The following RFX2 variants were observed in gnomAD, a reference collection of about 807,000 sequenced individuals.
The protein encoded by RFX2 is DNA-binding protein RFX2.
In RFX2, 20 loss-of-function variants were observed where a neutral mutation model predicts 87.8. The ratio of observed to expected loss-of-function variants is 0.23; its 90% CI spans 0.16 to 0.33. RFX2 has a LOEUF of 0.33. Ranked by LOEUF, RFX2 falls within the 10% of genes least tolerant of loss-of-function variation. The pLI, the probability that RFX2 is intolerant of heterozygous loss-of-function variation, is 1.00. For synonymous variants in RFX2, 397 were observed against 431.3 expected, an observed-to-expected ratio of 0.92 and a Z score of 0.98; for missense variants, 767 against 1,012.3, an observed-to-expected ratio of 0.76 and a Z score of 3.29.
intron 16 of RFX2, 63 bp from the exon 17 acceptor site, chr19:5,995,706 C>T (rs1034003618): frequency 2.7e-5 from 38 of 1,426,110 alleles, no homozygotes; most frequent in Middle Eastern, 1.9e-4. Flanking sequence ...TTTGGGGGCT[C>T]GGGGGATGCC....
rs921235484 is a variant in RFX2, at chr19:6,011,389, C to A, written c.900-1138G>T. ...TGGAGCATCTCCAGCGGACCTCCCT[C>A]CTCAAATACGAAGCGGGGCCAGGCC... On this transcript the variant is annotated intron_variant, in intron 8 of 17. Transcript: ENST00000303657. This position sits in a 1 kb window ranked among gnomAD's most constrained non-coding sequence, Gnocchi z 4.8. Among the ~76,000 whole-genome samples the A allele has an allele frequency of 1.2e-4, 18 of 152,132 alleles. No individual in the cohort carries two copies. Among genetic ancestry groups the A allele is most frequent in the African/African-American group, 3.9e-4 (16 of 41,418 alleles).
intron 1 of RFX2, among the ~76,000 whole-genome samples, chr19:6,068,904 T>C (rs922799966): frequency 2.0e-5 from 3 of 151,838 alleles, no homozygotes; most frequent in African/African-American, 7.3e-5. Flanking sequence ...TGGAGGCTAA[T>C]GTGATAATCT....
Position 6,039,132 on chromosome 19 carries a change from A to C in RFX2, c.522+848T>G, listed in dbSNP as rs532325470. On this transcript the variant is annotated intron_variant, in intron 5 of 17. Transcript: ENST00000303657. This position sits in a 1 kb window ranked among gnomAD's most constrained non-coding sequence, Gnocchi z 5.2. ...TGTAATAGAATATTACTCAGTAACAAAAAAAAGCAACTCGGATTCATGCAG... is the reference window on the plus strand; with the variant it reads ...TGTAATAGAATATTACTCAGTAACACAAAAAAGCAACTCGGATTCATGCAG... 6.6e-6 allele frequency among the ~76,000 whole-genome samples: 1 copy of C among 152,116 alleles called. No individual in the cohort carries two copies. The highest frequency in any genetic ancestry group is 1.5e-5 in the Non-Finnish European group (1 of 67,974).
rs150868053 is a variant in RFX2 at position 6,079,463 on chromosome 19, C to G, written c.-9+30930G>C. ...ACAATGTATGTTTCCATTTATACGA[C>G]ATTCTGGAAAAGGCAGAGCTATAGA... On this transcript the variant is annotated intron_variant, in intron 1 of 17. Coordinates refer to ENST00000303657, the MANE Select transcript of RFX2 (RefSeq NM_000635.4). 8.9e-3 allele frequency among the ~76,000 whole-genome samples: 1,354 copies of G among 152,308 alleles called. 5 individuals carry two copies. The highest frequency in any genetic ancestry group is 0.014 in the Non-Finnish European group (932 of 68,016).
rs2086364566 is a variant in RFX2, at chr19:5,993,631, C to T, written c.*1204G>A. 6.6e-6 allele frequency: 1 copy of T among 152,200 alleles called. No homozygotes were observed. Among genetic ancestry groups the T allele is most frequent in the South Asian group, 2.1e-4 (1 of 4,828 alleles). 9.4% of individuals were successfully genotyped at this position (152,200 alleles called of 1,614,324 possible). A position where few individuals can be genotyped will look rare whatever the true frequency, so the allele number is the denominator to read the frequency against. ...TATTGCATTTCGTTAGAAATCGCGT[C>T]CTGGGCCGAGGCTCGTCTTTCTTCT... On this transcript the variant is annotated 3_prime_UTR_variant, in exon 18 of 18. Coordinates refer to ENST00000303657, the MANE Select transcript of RFX2 (RefSeq NM_000635.4).
At chr19:6,053,937 C>G (rs2087296983) in intron 1 of RFX2, among the ~76,000 whole-genome samples, 1 of 112,390 alleles carries the variant, frequency 8.9e-6, no homozygotes, top group African/African-American at 3.6e-5. Flanking sequence ...GCCTGGGTGA[C>G]AGAGCAAGAC....
chr19:6,036,649 T>C, intron 5 of RFX2, among the ~76,000 whole-genome samples: 1 of 152,300 alleles, frequency 6.6e-6, no homozygotes, highest in East Asian at 1.9e-4. Context: ...ATGCTGATGC[T>C]TACATATGTA....
Position 6,104,341 on chromosome 19 carries a change from G to A in RFX2, c.-9+6052C>T, listed in dbSNP as rs1044617240. On this transcript the variant is annotated intron_variant, in intron 1 of 17. Transcript: ENST00000303657. ...TCCCAGCACTTTGGGAGGCTGAGGT[G>A]GGCGGATCATGAGGTCAGGAGATCG... Among the ~76,000 whole-genome samples the A allele has an allele frequency of 2.0e-5, 3 of 151,844 alleles. No individual in the cohort carries two copies. In the East Asian group the frequency reaches 5.8e-4, roughly 29 times the overall value.
chr19:6,017,004 G>A lies in RFX2; in HGVS notation c.598-733C>T, dbSNP rs761874058. ...AGCCCTGTGTTCTGTAGTGAGCAGT[G>A]AGCTAACATGTACTGAGATCCCTTA... On this transcript the variant is annotated intron_variant, in intron 6 of 17. Coordinates refer to ENST00000303657, the MANE Select transcript of RFX2 (RefSeq NM_000635.4). The surrounding 1 kb of genome is among the most constrained non-coding windows in gnomAD (Gnocchi z 4.1). Among the ~76,000 whole-genome samples the A allele has an allele frequency of 7.9e-5, 12 of 152,010 alleles. No individual in the cohort carries two copies. The highest frequency in any genetic ancestry group is 3.3e-4 in the Admixed American group (5 of 15,274).
rs2087350481 is a variant in RFX2 at position 6,056,861 on chromosome 19, C to G, written c.-8-9357G>C. On this transcript the variant is annotated intron_variant, in intron 1 of 17. Coordinates refer to ENST00000303657, the MANE Select transcript of RFX2 (RefSeq NM_000635.4). The surrounding 1 kb of genome is among the most constrained non-coding windows in gnomAD (Gnocchi z 4.6). ...AGACTGGGTTACAGGAGCCTCGGAA[C>G]AGCCAATATAAAGGGGAGGGGCCGC... is the stretch of plus-strand genomic sequence containing the variant. Among the ~76,000 whole-genome samples, 1 of 152,186 alleles carries G rather than the reference C, an allele frequency of 6.6e-6. No homozygotes were observed. Among genetic ancestry groups the G allele is most frequent in the Admixed American group, 6.5e-5 (1 of 15,272 alleles).
At position 6,038,933 on chromosome 19, in the gene RFX2, A is replaced by G. The variant is rs570338949; in HGVS notation, c.522+1047T>C. Among the ~76,000 whole-genome samples, 121 of 152,294 alleles carry G rather than the reference A, an allele frequency of 7.9e-4. 2 individuals carry two copies. Among genetic ancestry groups the G allele is most frequent in the Non-Finnish European group, 4.4e-5 (3 of 68,026 alleles). On this transcript the variant is annotated intron_variant, in intron 5 of 17. Coordinates refer to ENST00000303657, the MANE Select transcript of RFX2 (RefSeq NM_000635.4). Reference sequence around the variant, plus strand: ...TGGTTTCTGATAAAGTTAAACATACACTTTCTGTATGAGCCAGCAGCAATT... The same window carrying G: ...TGGTTTCTGATAAAGTTAAACATACGCTTTCTGTATGAGCCAGCAGCAATT...
chr19:5,997,965 T>A lies in RFX2; in HGVS notation c.1860-752A>T, dbSNP rs1022915889. ...TCTTTCCTAGGATGGCTGCAAATACTACCTGGTTCTTTCTGGGAGAGGCGG... is the reference window on the plus strand; with the variant it reads ...TCTTTCCTAGGATGGCTGCAAATACAACCTGGTTCTTTCTGGGAGAGGCGG... On this transcript the variant is annotated intron_variant, in intron 15 of 17. Transcript: ENST00000303657. The surrounding 1 kb of genome is among the most constrained non-coding windows in gnomAD (Gnocchi z 4.2). Among the ~76,000 whole-genome samples, 1 of 152,194 alleles carries A rather than the reference T, an allele frequency of 6.6e-6. No individual in the cohort carries two copies.
rs1393394489 is a variant in RFX2, at chr19:6,012,304, T to C, written c.899+682A>G. The C allele has an allele frequency of 6.6e-6, 1 of 152,278 alleles. No individual in the cohort carries two copies. The highest frequency in any genetic ancestry group is 2.4e-5 in the African/African-American group (1 of 41,456). The allele number at this position is 152,278 out of a possible 1,614,324, so 9.4% of individuals were successfully genotyped here. On this transcript the variant is annotated intron_variant, in intron 8 of 17. Coordinates refer to ENST00000303657, the MANE Select transcript of RFX2 (RefSeq NM_000635.4). This position sits in a 1 kb window ranked among gnomAD's most constrained non-coding sequence, Gnocchi z 4.6. ...GTTATTTGCAGTGTCCTCTCTCTCTTTACTTCCTAAGCTTTAAAAATTAAA... is the reference window on the plus strand; with the variant it reads ...GTTATTTGCAGTGTCCTCTCTCTCTCTACTTCCTAAGCTTTAAAAATTAAA...
At chr19:6,028,032 GATT>G (rs1172947744) in intron 5 of RFX2, among the ~76,000 whole-genome samples, 6 of 152,112 alleles carry the variant, frequency 3.9e-5, no homozygotes, top group African/African-American at 1.4e-4. Flanking sequence ...AAAGTTCTGG[GATT>G]ACAGGCATAA....
rs148847289 is a variant in RFX2, at chr19:6,001,439, T to C, written c.1859+376A>G. Among the ~76,000 whole-genome samples, 343 of 152,308 alleles carry C rather than the reference T, an allele frequency of 2.3e-3. 1 individual carries two copies. The highest frequency in any genetic ancestry group is 4.4e-3 in the Non-Finnish European group (296 of 68,026). The stretch of plus-strand genomic sequence containing the variant: ...ACCACGTCCAGCTAAGTTTTTTTAC[T>C]TTTTGTAGAGGTCCTGATATTTTCC... On this transcript the variant is annotated intron_variant, in intron 15 of 17. Transcript: ENST00000303657. This position sits in a 1 kb window ranked among gnomAD's most constrained non-coding sequence, Gnocchi z 5.6.
At position 6,047,400 on chromosome 19, in the gene RFX2, G is replaced by A. The variant is rs577150042; in HGVS notation, c.90+7C>T. ...CCACCCTGTTGTTGCTGAGAGGCGC[G>A]CGTTACCTGCGGGGAGGCTGGCACA... On this transcript the variant is annotated splice_region_variant and intron_variant, in intron 2 of 17. Transcript: ENST00000303657. This position sits in a 1 kb window ranked among gnomAD's most constrained non-coding sequence, Gnocchi z 4.2. The A allele has an allele frequency of 9.3e-5, 149 of 1,602,368 alleles. No homozygotes were observed. Among genetic ancestry groups the A allele is most frequent in the African/African-American group, 4.9e-4 (37 of 74,882 alleles).
At chr19:6,104,718 T>A (rs1326773968) in intron 1 of RFX2, among the ~76,000 whole-genome samples, 2 of 152,264 alleles carry the variant, frequency 1.3e-5, no homozygotes, top group Non-Finnish European at 2.9e-5. Flanking sequence ...AGCTCTCAAC[T>A]CTTCATTTCT....
At position 6,056,214 on chromosome 19, in the gene RFX2, G is replaced by A. The variant is rs1335881223; in HGVS notation, c.-8-8710C>T. 6.6e-6 allele frequency among the ~76,000 whole-genome samples: 1 copy of A among 152,214 alleles called. No individual in the cohort carries two copies. Among genetic ancestry groups the A allele is most frequent in the Non-Finnish European group, 1.5e-5 (1 of 68,042 alleles). On this transcript the variant is annotated intron_variant, in intron 1 of 17. Transcript: ENST00000303657. This position sits in a 1 kb window ranked among gnomAD's most constrained non-coding sequence, Gnocchi z 4.6. ...GACAACGAAGCCTGTAAAAATACAAGGGTGGAGAGGAGGACGGAGAGTGGG... is the reference window on the plus strand; with the variant it reads ...GACAACGAAGCCTGTAAAAATACAAAGGTGGAGAGGAGGACGGAGAGTGGG...
At chr19:6,062,933 G>A (rs73549942) in intron 1 of RFX2, among the ~76,000 whole-genome samples, 2,671 of 151,992 alleles carry the variant, frequency 0.018, 91 homozygotes, top group African/African-American at 0.062. Context: ...GGCCAGTCGC[G>A]CATATTCAAT....
Sources: gnomAD v4.1 joint callset for allele counts (sites outside exome capture counted in the v4.1 genomes callset) on GRCh38, gnomAD v4.1.1 for gene constraint, Gnocchi (gnomAD v3.1) non-coding constraint, MANE v1.5 for transcripts, NCBI Gene and HGNC (gene_info 2026-07-23, HGNC 2026-07-21) for gene names.